Variants in SLC9C2 observed in about 807,000 individuals in gnomAD.
SLC9C2 encodes solute carrier family 9 member C2 (putative), also known as sodium/hydrogen exchanger 11.
Under a neutral mutation model 140.2 loss-of-function variants are expected in SLC9C2, and 75 were observed. The observed-to-expected ratio is 0.53, with a 90% confidence interval of 0.44 to 0.65. SLC9C2 has a LOEUF of 0.65. Ranked by LOEUF, SLC9C2 falls within the 30% of genes least tolerant of loss-of-function variation. The pLI is 0.00. For missense variants in SLC9C2, 1,074 were observed against 1,331.8 expected (o/e 0.81, Z 3.01); for synonymous variants, 375 against 420.9 (o/e 0.89, Z 1.34).
intron 23 of SLC9C2, among the ~76,000 whole-genome samples, chr1:173,510,305 A>T (rs1014519711): frequency 6.6e-5 from 10 of 152,054 alleles, no homozygotes; most frequent in African/African-American, 2.4e-4. Flanking sequence ...TCTTTGGCTC[A>T]TTTCTTTTTT....
At chr1:173,538,248 C>T (rs1407964053) in intron 13 of SLC9C2, among the ~76,000 whole-genome samples, 2 of 152,192 alleles carry the variant, frequency 1.3e-5, no homozygotes, top group East Asian at 1.9e-4. Context: ...TGTAAGCCTC[C>T]GTGATGGCCC....
At position 173,548,332 on chromosome 1, in the gene SLC9C2, A is replaced by G. The variant is rs541688777; in HGVS notation, c.1461+57T>C. ...AGGTCTTTAACAATAGGCTAAAGCA[A>G]GTGAGGCAGACCAAGGGAAGGAAAG... On this transcript the variant is annotated intron_variant, in intron 12 of 27. Transcript: ENST00000367714. The G allele has an allele frequency of 1.2e-5, 19 of 1,527,410 alleles. No individual in the cohort carries two copies. The East Asian group carries it at 3.6e-4, about 29-fold the overall frequency. 94.6% of individuals were successfully genotyped at this position (1,527,410 alleles called of 1,614,324 possible).
chr1:173,601,592 G>C lies in SLC9C2; in HGVS notation c.127+58C>G, dbSNP rs1177699902. On this transcript the variant is annotated intron_variant, in intron 2 of 27. Coordinates refer to ENST00000367714, the MANE Select transcript of SLC9C2 (RefSeq NM_178527.4). ...TGTTATGTAGTTGTGATGGCTTTCT[G>C]CATTGACAAAAGGTTCACAGGGCAG... The C allele has an allele frequency of 1.9e-6, 3 of 1,576,080 alleles. No individual in the cohort carries two copies. In the East Asian group the frequency reaches 6.7e-5, roughly 35 times the overall value.
intron 25 of SLC9C2, 132 bp downstream of exon 25, chr1:173,506,724 T>C (rs2101891080): frequency 2.8e-6 from 2 of 723,572 alleles, no homozygotes; most frequent in South Asian, 3.8e-5. Context: ...ATTTTTACTG[T>C]TTGTAAAAGG....
At chr1:173,501,434 G>T (rs1478306354) in intron 27 of SLC9C2, among the ~76,000 whole-genome samples, 1 of 151,628 alleles carries the variant, frequency 6.6e-6, no homozygotes, top group Non-Finnish European at 1.5e-5. Flanking sequence ...TTGTAAATCG[G>T]AATGGGAATC....
intron 6 of SLC9C2, 43 bp downstream of exon 6, chr1:173,583,463 T>G (rs370011012): frequency 3.5e-6 from 4 of 1,139,162 alleles, no homozygotes; most frequent in Non-Finnish European, 5.2e-6. Flanking sequence ...TTAATTTTAA[T>G]GAGAATGATT....
chr1:173,550,744 AT>A lies in SLC9C2; in HGVS notation c.1298-2193del, dbSNP rs903243927. 5.6e-3 allele frequency among the ~76,000 whole-genome samples: 800 copies of A among 142,882 alleles called. 4 individuals carry two copies. The highest frequency in any genetic ancestry group is 4.9e-3 in the Non-Finnish European group (318 of 65,170). 93.7% of individuals were successfully genotyped at this position (142,882 alleles called of 152,430 possible). A position where few individuals can be genotyped will look rare whatever the true frequency, so the allele number is the denominator to read the frequency against. ...GAGCCACCACGCCCAGCCCTGTATC[AT>A]TTTTTTTTTTTAAATGAAGAAGAAC... is the stretch of plus-strand genomic sequence containing the variant. On this transcript the variant is annotated intron_variant, in intron 11 of 27. Coordinates refer to ENST00000367714, the MANE Select transcript of SLC9C2 (RefSeq NM_178527.4).
intron 27 of SLC9C2, among the ~76,000 whole-genome samples, chr1:173,501,693 G>A (rs918703308): frequency 4.6e-5 from 7 of 151,554 alleles, no homozygotes; most frequent in Admixed American, 4.6e-4. Context: ...GGTGGTGTGA[G>A]CCACCACGCC....
At chr1:173,580,355 C>CTTT (rs60721581) in intron 7 of SLC9C2, among the ~76,000 whole-genome samples, 2 of 146,464 alleles carry the variant, frequency 1.4e-5, no homozygotes, top group Admixed American at 6.8e-5. Flanking sequence ...TGATATAACA[C>CTTT]TTTTTTTTTT....
intron 7 of SLC9C2, among the ~76,000 whole-genome samples, chr1:173,581,018 C>A (rs1665496294): frequency 6.6e-6 from 1 of 152,164 alleles, no homozygotes; most frequent in South Asian, 2.1e-4. Context: ...AATGAGCGTT[C>A]AATGAATGCT....
intron 3 of SLC9C2, among the ~76,000 whole-genome samples, chr1:173,599,393 G>C (rs1263549668): frequency 3.2e-4 from 1 of 3,168 alleles, no homozygotes; most frequent in Non-Finnish European, 2.1e-3. Flanking sequence ...TTTTTTTTTT[G>C]AGACGGAGTC....
At chr1:173,564,613 GA>G (rs1268302853) in intron 9 of SLC9C2, among the ~76,000 whole-genome samples, 4 of 150,880 alleles carry the variant, frequency 2.7e-5, no homozygotes, top group African/African-American at 9.8e-5. Context: ...ACTCTCACCA[GA>G]TGGGTAGTTT....
chr1:173,573,691 G>C (rs555622463), intron 8 of SLC9C2, among the ~76,000 whole-genome samples: 49 of 152,266 alleles, frequency 3.2e-4, no homozygotes, highest in Admixed American at 1.4e-3. Context: ...GCTACTAGTA[G>C]GTACCTCGGT....
chr1:173,597,489 C>T (rs1666513346), intron 4 of SLC9C2, among the ~76,000 whole-genome samples: 1 of 143,566 alleles, frequency 7.0e-6, no homozygotes, highest in Admixed American at 6.6e-5. Flanking sequence ...AACAGTACAA[C>T]AGGCATGATT....
At chr1:173,567,462 T>C (rs1332273804) in intron 9 of SLC9C2, among the ~76,000 whole-genome samples, 1 of 152,114 alleles carries the variant, frequency 6.6e-6, no homozygotes, top group African/African-American at 2.4e-5. Context: ...GTATTTTGTC[T>C]GAAGTATAGC....
At chr1:173,591,568 T>C (rs2102251717) in intron 4 of SLC9C2, among the ~76,000 whole-genome samples, 1 of 152,304 alleles carries the variant, frequency 6.6e-6, no homozygotes, top group South Asian at 2.1e-4. Flanking sequence ...TAACAGCCAT[T>C]CTGACTGGTG....
chr1:173,548,832 C>T (rs959861296), intron 11 of SLC9C2, among the ~76,000 whole-genome samples: 5 of 152,186 alleles, frequency 3.3e-5, no homozygotes, highest in Admixed American at 6.5e-5. Context: ...TTCAACGCAC[C>T]TAATCCATAT....
intron 18 of SLC9C2, among the ~76,000 whole-genome samples, chr1:173,529,542 C>T (rs868352788): frequency 2.0e-5 from 3 of 151,612 alleles, no homozygotes; most frequent in Non-Finnish European, 4.4e-5. Context: ...TTCCTCTTCA[C>T]TTAAGACTTA....
intron 23 of SLC9C2, among the ~76,000 whole-genome samples, chr1:173,516,623 A>C (rs2101926827): frequency 6.6e-6 from 1 of 152,304 alleles, no homozygotes; most frequent in Admixed American, 6.5e-5. Flanking sequence ...CTCCATCCAT[A>C]GTTCCTGCAA....
Sources: allele counts gnomAD v4.1 joint callset (sites outside exome capture counted in the v4.1 genomes callset), GRCh38; gene constraint gnomAD v4.1.1; transcripts MANE v1.5; gene names NCBI Gene and HGNC (gene_info 2026-07-23, HGNC 2026-07-21).